The following STK10 variants were observed in gnomAD, a reference collection of about 807,000 sequenced individuals.
STK10 encodes the protein serine/threonine-protein kinase 10.
Under a neutral mutation model 113.8 loss-of-function variants are expected in STK10, and 78 were observed. The ratio of observed to expected loss-of-function variants is 0.69; its 90% confidence interval spans 0.57 to 0.83. STK10 has a LOEUF of 0.83. STK10 is among the 40% of genes least tolerant of loss of function. The probability of loss-of-function intolerance (pLI) is 0.00; values close to 1 mark genes in which losing one functional copy is unlikely to be tolerated. For missense variants in STK10, 1,109 were observed against 1,280.1 expected (o/e 0.87, Z 2.04); for synonymous variants, 465 against 494.7 (o/e 0.94, Z 0.80).
intron 1 of STK10, among the ~76,000 whole-genome samples, chr5:172,171,980 T>C (rs1365923057): frequency 6.6e-6 from 1 of 151,894 alleles, no homozygotes; most frequent in African/African-American, 2.4e-5. Flanking sequence ...TCACCTGAAG[T>C]CAGGAGTTTG....
intron 2 of STK10, among the ~76,000 whole-genome samples, chr5:172,128,363 C>G (rs1186393610): frequency 8.0e-6 from 1 of 125,708 alleles, no homozygotes; most frequent in Admixed American, 8.8e-5. Context: ...TTTTTTTAGA[C>G]AGACTCTCGC....
At chr5:172,127,608 GCT>G (rs1769653125) in intron 2 of STK10, among the ~76,000 whole-genome samples, 187 bp from the exon 3 acceptor site, 1 of 152,188 alleles carries the variant, frequency 6.6e-6, no homozygotes, top group Non-Finnish European at 1.5e-5. Flanking sequence ...CTCACTGGAG[GCT>G]CTGACACCCA....
intron 15 of STK10, among the ~76,000 whole-genome samples, chr5:172,056,064 G>A (rs1181973490): frequency 6.6e-6 from 1 of 152,152 alleles, no homozygotes; most frequent in Non-Finnish European, 1.5e-5. Context: ...AAATGTACAC[G>A]AAAGGGGATG....
At chr5:172,171,518 A>G (rs1770664008) in intron 1 of STK10, among the ~76,000 whole-genome samples, 1 of 152,118 alleles carries the variant, frequency 6.6e-6, no homozygotes, top group Admixed American at 6.5e-5. Flanking sequence ...ATTCAAAACC[A>G]GTCTGGCCAA....
intron 18 of STK10, among the ~76,000 whole-genome samples, 175 bp downstream of exon 18, chr5:172,052,754 C>A (rs190624781): frequency 6.6e-6 from 1 of 152,180 alleles, no homozygotes; most frequent in Non-Finnish European, 1.5e-5. Context: ...AGCTGCAGGG[C>A]GTTCAGCCAC....
intron 10 of STK10, among the ~76,000 whole-genome samples, chr5:172,085,207 T>C (rs1467781385): frequency 1.3e-5 from 2 of 151,814 alleles, no homozygotes; most frequent in African/African-American, 4.8e-5. Context: ...ACTATGCCGC[T>C]TGCACTCCAG....
intron 10 of STK10, among the ~76,000 whole-genome samples, chr5:172,087,111 T>TGTGTGTGTGTGTGA (rs1768580043): frequency 1.1e-5 from 1 of 87,576 alleles, no homozygotes; most frequent in African/African-American, 5.2e-5. Flanking sequence ...GACACCAGTG[T>TGTGTGTGTGTGTGA]GTGTGTGTGT....
intron 2 of STK10, among the ~76,000 whole-genome samples, chr5:172,150,047 CAA>C (rs35745235): frequency 2.4e-4 from 21 of 87,114 alleles, no homozygotes; most frequent in African/African-American, 5.9e-4. Flanking sequence ...AACTTTGTCT[CAA>C]AAAAAAAAAA....
At chr5:172,056,926 G>A (rs2113694477) in intron 15 of STK10, 1 of 138,432 alleles carries the variant, frequency 7.2e-6, no homozygotes, top group South Asian at 2.0e-4. Flanking sequence ...AAGAAGGAAG[G>A]AAGGAAAGAA....
At chr5:172,138,839 C>T (rs1403232280) in intron 2 of STK10, among the ~76,000 whole-genome samples, 4 of 151,964 alleles carry the variant, frequency 2.6e-5, no homozygotes, top group Admixed American at 1.3e-4. Flanking sequence ...AGTGAAACCC[C>T]GTCTCTACTA....
At chr5:172,056,168 A>C (rs28551654) in intron 15 of STK10, among the ~76,000 whole-genome samples, 20,546 of 152,158 alleles carry the variant, frequency 0.14, 4,431 homozygotes, top group African/African-American at 0.46. Flanking sequence ...TTTGTATTTC[A>C]AAGCTCAGCA....
intron 2 of STK10, among the ~76,000 whole-genome samples, chr5:172,141,286 AC>A (rs1769967059): frequency 6.6e-6 from 1 of 152,184 alleles, no homozygotes; most frequent in Non-Finnish European, 1.5e-5. Context: ...ACAAGAAAAT[AC>A]AATTTAGGGC....
chr5:172,176,129 T>C (rs1275605719), intron 1 of STK10, among the ~76,000 whole-genome samples: 1 of 152,202 alleles, frequency 6.6e-6, no homozygotes, highest in East Asian at 1.9e-4. Flanking sequence ...CCAACAGCCC[T>C]ATGTGATTGT....
At position 172,187,476 on chromosome 5, in the gene STK10, C is replaced by G. The variant is rs1413872469; in HGVS notation, c.156+411G>C. On this transcript the variant is annotated intron_variant, in intron 1 of 18. Transcript: ENST00000176763. The surrounding 1 kb of genome is among the most constrained non-coding windows in gnomAD (Gnocchi z 4.6). ...GGTCCACATCGCCTCGATATTCCCACAGCATCTGTGGTCTCTCTTAAAAAA... is the reference window on the plus strand; with the variant it reads ...GGTCCACATCGCCTCGATATTCCCAGAGCATCTGTGGTCTCTCTTAAAAAA... 1.3e-5 allele frequency among the ~76,000 whole-genome samples: 2 copies of G among 151,860 alleles called. No homozygotes were observed. Among genetic ancestry groups the G allele is most frequent in the Non-Finnish European group, 2.9e-5 (2 of 68,030 alleles).
chr5:172,095,455 G>A (rs1037880285), intron 8 of STK10, among the ~76,000 whole-genome samples: 1 of 152,152 alleles, frequency 6.6e-6, no homozygotes, highest in Non-Finnish European at 1.5e-5. Flanking sequence ...ATCCACCCCT[G>A]GCCCTGCCAT....
rs1768456473 is a variant in STK10, at chr5:172,082,508, G to A, written c.1810-3C>T. ...GTGTCAAAGAACTTCTTCTTGGCCT[G>A]AAAGGAGCAGAAATTCTGAGAAACT... On this transcript the variant is annotated splice_polypyrimidine_tract_variant and splice_region_variant and intron_variant, in intron 11 of 18. Coordinates refer to ENST00000176763, the MANE Select transcript of STK10 (RefSeq NM_005990.4). This position sits in a 1 kb window ranked among gnomAD's most constrained non-coding sequence, Gnocchi z 4.3. 1 of 1,568,688 alleles carries A rather than the reference G, an allele frequency of 6.4e-7. No individual in the cohort carries two copies. Among genetic ancestry groups the A allele is most frequent in the African/African-American group, 1.4e-5 (1 of 72,558 alleles).
At chr5:172,092,134 A>G (rs1053842828) in intron 9 of STK10, among the ~76,000 whole-genome samples, 3 of 152,232 alleles carry the variant, frequency 2.0e-5, no homozygotes, top group Non-Finnish European at 4.4e-5. Flanking sequence ...AGGATGGGTC[A>G]GGCCAGCAGT....
At chr5:172,175,333 G>A (rs2113837554) in intron 1 of STK10, among the ~76,000 whole-genome samples, 1 of 152,222 alleles carries the variant, frequency 6.6e-6, no homozygotes, top group South Asian at 2.1e-4. Context: ...TGCATCACAG[G>A]GGAAGCAGAG....
At position 172,052,998 on chromosome 5, in the gene STK10, C is replaced by T. The variant is rs373996751; in HGVS notation, c.2697G>A (p.Leu899=). Reference sequence around the variant, plus strand: ...GGTTATGGCTCTCATCCAGGGCCTTCAGTTTCTGGGTTTCGTGCTCTACCA... The same window carrying T: ...GGTTATGGCTCTCATCCAGGGCCTTTAGTTTCTGGGTTTCGTGCTCTACCA... ...HLLVEHETQK[L]KALDESHNQN... Residue 899 remains leucine, a synonymous_variant, in exon 18 of 19, where the codon CTG becomes CTA. Coordinates refer to ENST00000176763, the MANE Select transcript of STK10 (RefSeq NM_005990.4). The T allele has an allele frequency of 7.5e-5, 121 of 1,614,086 alleles. No individual in the cohort carries two copies. Among genetic ancestry groups the T allele is most frequent in the Non-Finnish European group, 8.6e-5 (102 of 1,180,046 alleles).
Sources: gnomAD v4.1 joint callset for allele counts (sites outside exome capture counted in the v4.1 genomes callset) on GRCh38, gnomAD v4.1.1 for gene constraint, Gnocchi (gnomAD v3.1) non-coding constraint, MANE v1.5 for transcripts, NCBI Gene and HGNC (gene_info 2026-07-23, HGNC 2026-07-21) for gene names.